NEBL: variants seen among roughly 807,000 people sequenced by gnomAD.
The protein encoded by NEBL is LIM and SH3 protein 2.
In NEBL, 122 loss-of-function variants were observed where a neutral mutation model predicts 140.2. The ratio of observed to expected loss-of-function variants is 0.87; its 90% confidence interval spans 0.75 to 1.01. NEBL has a LOEUF of 1.01. NEBL is among the 50% of genes least tolerant of loss of function. NEBL has a pLI of 0.00. For missense variants in NEBL, 1,365 were observed against 1,231.3 expected, an observed-to-expected ratio of 1.11 and a Z score of -1.62; for synonymous variants, 436 against 398.9, an observed-to-expected ratio of 1.09 and a Z score of -1.11.
At chr10:21,131,896 A>G (rs1038576943) in intron 2 of NEBL, among the ~76,000 whole-genome samples, 1 of 152,194 alleles carries the variant, frequency 6.6e-6, no homozygotes, top group Non-Finnish European at 1.5e-5. Context: ...TTGAATGGTC[A>G]ATGCTAACTT....
intron 5 of NEBL, among the ~76,000 whole-genome samples, chr10:20,872,370 A>T (rs77088207): frequency 0.011 from 1,693 of 152,284 alleles, 11 homozygotes; most frequent in Non-Finnish European, 0.02. Flanking sequence ...GATCTTCCAG[A>T]ATATCACTCC....
At chr10:21,283,504 C>CGT (rs1843017287) in intron 1 of NEBL, among the ~76,000 whole-genome samples, 1 of 152,168 alleles carries the variant, frequency 6.6e-6, no homozygotes, top group Non-Finnish European at 1.5e-5. Context: ...GATCCAAGAA[C>CGT]CGCCTCTTGG....
At chr10:20,914,102 C>A (rs1848437579) in intron 4 of NEBL, among the ~76,000 whole-genome samples, 1 of 152,170 alleles carries the variant, frequency 6.6e-6, no homozygotes, top group African/African-American at 2.4e-5. Context: ...AGACCAAAAG[C>A]AGACACTGCA....
At chr10:20,905,742 CAA>C (rs1254211689) in intron 4 of NEBL, among the ~76,000 whole-genome samples, 1 of 152,102 alleles carries the variant, frequency 6.6e-6, no homozygotes, top group African/African-American at 2.4e-5. Flanking sequence ...TTGAAAGAAC[CAA>C]AAGTTCTATG....
chr10:20,787,296 G>C lies in NEBL; in HGVS notation c.2774C>G (p.Pro925Arg). The C allele has an allele frequency of 6.2e-7, 1 of 1,612,660 alleles. No homozygotes were observed. The highest frequency in any genetic ancestry group is 1.1e-5 in the South Asian group (1 of 90,796). ...GGAATGGCTTTGCTGATAGGCTCCG[G>C]GAAGAACAGGTGCTGCATGTTAAAC... Reference protein sequence around the residue: ...RPSDEGAPVLPGAYQQSHSQG... With the variant: ...RPSDEGAPVLRGAYQQSHSQG... Residue 925 changes from proline (P) to arginine (R), a missense_variant, in exon 27 of 28, where the codon CCC becomes CGC. Around this residue, in one of 2 missense-constraint regions of NEBL, gnomAD observed 1,323 missense variants for 1,154.8 expected, o/e 1.15. Coordinates refer to ENST00000377122, the MANE Select transcript of NEBL (RefSeq NM_006393.3).
At chr10:21,156,629 T>C (rs1391779259) in intron 2 of NEBL, among the ~76,000 whole-genome samples, 1 of 151,844 alleles carries the variant, frequency 6.6e-6, no homozygotes, top group East Asian at 1.9e-4. Context: ...ATTACTTATA[T>C]ATAAAAAATG....
chr10:20,922,519 C>T (rs957101963), intron 4 of NEBL, among the ~76,000 whole-genome samples: 4 of 152,202 alleles, frequency 2.6e-5, no homozygotes, highest in Non-Finnish European at 5.9e-5. Flanking sequence ...AAAATCTAGT[C>T]TATTCCTTCT....
At chr10:21,038,586 C>T (rs182311040) in intron 2 of NEBL, among the ~76,000 whole-genome samples, 142 of 152,262 alleles carry the variant, frequency 9.3e-4, no homozygotes, top group African/African-American at 2.9e-3. Context: ...GCATATGTGC[C>T]ACATTTTCTT....
chr10:20,989,828 G>A (rs574232916), intron 3 of NEBL, among the ~76,000 whole-genome samples: 7 of 152,298 alleles, frequency 4.6e-5, no homozygotes, highest in African/African-American at 1.7e-4. Context: ...GTCTGCAGAG[G>A]TTGGGGGGTG....
At chr10:21,095,264 T>C (rs1307551079) in intron 2 of NEBL, among the ~76,000 whole-genome samples, 1 of 151,264 alleles carries the variant, frequency 6.6e-6, no homozygotes, top group Non-Finnish European at 1.5e-5. Flanking sequence ...ATCTAGGGAG[T>C]GGTAAAAGGT....
intron 2 of NEBL, chr10:21,030,589 G>T (rs528086355): frequency 3.1e-6 from 2 of 637,354 alleles, no homozygotes; most frequent in Admixed American, 4.0e-5. Flanking sequence ...TACAAGTGGT[G>T]GGGGAAAAGT....
rs1183547035 is a variant in NEBL at position 21,233,794 on chromosome 10, TA to T, written n.348+14126del. ...ATATAAATGCATATATATGCATATA[TA>T]TTACATATATAGATATATATTACAT... is the stretch of plus-strand genomic sequence containing the variant. On this transcript the variant is annotated intron_variant and non_coding_transcript_variant, in intron 3 of 8. Coordinates refer to the NEBL transcript ENST00000675702. Among the ~76,000 whole-genome samples the T allele has an allele frequency of 6.9e-5, 10 of 143,918 alleles. No individual in the cohort carries two copies. The South Asian group carries it at 1.3e-3, about 18-fold the overall frequency. 94.4% of individuals were successfully genotyped at this position (143,918 alleles called of 152,430 possible).
chr10:21,180,742 A>G (rs1254317048), intron 3 of NEBL, among the ~76,000 whole-genome samples: 1 of 152,044 alleles, frequency 6.6e-6, no homozygotes, highest in Non-Finnish European at 1.5e-5. Context: ...AAGCTCTTGA[A>G]TCATCCCCAC....
At chr10:20,982,371 T>C (rs1837086413) in intron 3 of NEBL, among the ~76,000 whole-genome samples, 1 of 140,164 alleles carries the variant, frequency 7.1e-6, no homozygotes, top group Non-Finnish European at 1.5e-5. Context: ...CCTATTTTTT[T>C]ATTTGTTGAA....
chr10:21,177,309 G>C (rs1200453812), upstream of NEBL, among the ~76,000 whole-genome samples: 5 of 152,190 alleles, frequency 3.3e-5, no homozygotes, highest in Admixed American at 3.3e-4. Context: ...GAATGAGACG[G>C]GCTGAATCAT....
At chr10:21,232,276 T>C (rs1288236600) in intron 3 of NEBL, among the ~76,000 whole-genome samples, 1 of 152,128 alleles carries the variant, frequency 6.6e-6, no homozygotes, top group East Asian at 1.9e-4. Flanking sequence ...TGACTTTAGA[T>C]AGTCCAGAAA....
At chr10:20,899,848 C>A (rs1449627539), upstream of NEBL, among the ~76,000 whole-genome samples, 2 of 152,172 alleles carry the variant, frequency 1.3e-5, no homozygotes, top group African/African-American at 4.8e-5. Context: ...TGGATGAAGT[C>A]TTTAATGGAT....
chr10:20,980,795 TGTAA>T (rs1198311900), intron 3 of NEBL, among the ~76,000 whole-genome samples: 1 of 152,246 alleles, frequency 6.6e-6, no homozygotes. Flanking sequence ...TGATTTTCTT[TGTAA>T]GTATCAATGC....
At chr10:21,118,807 A>G (rs914420026) in intron 2 of NEBL, among the ~76,000 whole-genome samples, 2 of 152,224 alleles carry the variant, frequency 1.3e-5, no homozygotes, top group Non-Finnish European at 2.9e-5. Flanking sequence ...AGTCATTTAT[A>G]GAAAATACAA....
Sources: allele counts gnomAD v4.1 joint callset (sites outside exome capture counted in the v4.1 genomes callset), GRCh38; gene constraint gnomAD v4.1.1; regional missense constraint gnomAD v4.1.1; transcripts MANE v1.5; gene names NCBI Gene and HGNC (gene_info 2026-07-23, HGNC 2026-07-21).